Variants in UNC13C observed in about 807,000 individuals in gnomAD.
The protein encoded by UNC13C is unc-13 homolog C.
A neutral mutation model predicts 245.4 loss-of-function variants in UNC13C; 174 were observed. The ratio of observed to expected loss-of-function variants is 0.71; its 90% CI spans 0.63 to 0.80. The LOEUF is 0.80. Ranked by LOEUF, UNC13C falls within the 30% of genes least tolerant of loss-of-function variation. UNC13C has a pLI of 0.00. For synonymous variants in UNC13C, 992 were observed against 895.1 expected (o/e 1.11, Z -1.93); for missense variants, 2,829 against 2,602.9 (o/e 1.09, Z -1.89).
chr15:54,200,046 C>G (rs1399398124), intron 4 of UNC13C, among the ~76,000 whole-genome samples: 1 of 150,364 alleles, frequency 6.7e-6, no homozygotes, highest in African/African-American at 2.4e-5. Context: ...TTATATCAGA[C>G]AAAACAAACT....
intron 26 of UNC13C, among the ~76,000 whole-genome samples, chr15:54,545,092 G>C (rs1368537077): frequency 6.6e-6 from 1 of 151,996 alleles, no homozygotes; most frequent in Non-Finnish European, 1.5e-5. Flanking sequence ...ACTGGTACCA[G>C]AACAGATATA....
At chr15:53,985,823 T>C (rs1392872746) in intron 1 of UNC13C, among the ~76,000 whole-genome samples, 2 of 152,088 alleles carry the variant, frequency 1.3e-5, no homozygotes, top group Admixed American at 1.3e-4. Flanking sequence ...TCGTCTGGTT[T>C]TTGTAGTAAC....
intron 29 of UNC13C, among the ~76,000 whole-genome samples, chr15:54,565,584 TAGTG>T: frequency 6.6e-6 from 1 of 151,984 alleles, no homozygotes; most frequent in East Asian, 1.9e-4. Context: ...ATTCATCAAT[TAGTG>T]AGAGAACCAG....
At chr15:54,406,335 T>C (rs897563995) in intron 18 of UNC13C, among the ~76,000 whole-genome samples, 6 of 152,266 alleles carry the variant, frequency 3.9e-5, no homozygotes, top group East Asian at 1.9e-4. Context: ...CCTTTTGATA[T>C]AGGAGCAGCA....
rs199548311 is a variant in UNC13C at position 54,067,355 on chromosome 15, T to G, written c.2983+51469T>G. Among the ~76,000 whole-genome samples the G allele has an allele frequency of 5.9e-5, 9 of 152,274 alleles. No homozygotes were observed. The East Asian group carries it at 1.5e-3, about 26-fold the overall frequency. ...TTAGGCCAACACACTCCACACCTAATTTTGGATTTTCTAGTTTCATATTTA... is the reference window on the plus strand; with the variant it reads ...TTAGGCCAACACACTCCACACCTAAGTTTGGATTTTCTAGTTTCATATTTA... On this transcript the variant is annotated intron_variant, in intron 2 of 32. Transcript: ENST00000260323.
chr15:54,595,639 G>A (rs546614359), intron 30 of UNC13C, among the ~76,000 whole-genome samples: 1 of 152,270 alleles, frequency 6.6e-6, no homozygotes, highest in African/African-American at 2.4e-5. Flanking sequence ...TTTTGTTTAA[G>A]TTATCTAAGG....
the UNC13C span, among the ~76,000 whole-genome samples, chr15:53,942,557 A>G: frequency 6.6e-6 from 1 of 151,826 alleles, no homozygotes; most frequent in Non-Finnish European, 1.5e-5. Flanking sequence ...GGAATTTCAA[A>G]TAAAAATTGA....
In UNC13C at chr15:54,484,821, A is replaced by G. The variant is rs558297253; in HGVS notation, c.4934-9787A>G. 2.0e-5 allele frequency among the ~76,000 whole-genome samples: 3 copies of G among 152,330 alleles called. No individual in the cohort carries two copies. In the South Asian group the frequency reaches 6.2e-4, roughly 32 times the overall value. On this transcript the variant is annotated intron_variant, in intron 19 of 32. Transcript: ENST00000260323. The stretch of plus-strand genomic sequence containing the variant: ...TCCCACAAAAAAGGATCTCAATTAC[A>G]GGTTACATTTAAATAAGTAATGAGA...
At chr15:54,463,059 C>G (rs1042229763) in intron 19 of UNC13C, among the ~76,000 whole-genome samples, 3 of 151,750 alleles carry the variant, frequency 2.0e-5, no homozygotes, top group African/African-American at 7.3e-5. Context: ...ATGCACCAAT[C>G]AGTGCTCTGT....
At chr15:54,542,143 T>C (rs1381982755) in intron 26 of UNC13C, among the ~76,000 whole-genome samples, 1 of 152,158 alleles carries the variant, frequency 6.6e-6, no homozygotes, top group Non-Finnish European at 1.5e-5. Flanking sequence ...AAGTCTTAAA[T>C]ATGAATAAAA....
chr15:54,100,215 A>G (rs1434039375), intron 2 of UNC13C, among the ~76,000 whole-genome samples: 5 of 150,800 alleles, frequency 3.3e-5, no homozygotes, highest in African/African-American at 1.2e-4. Context: ...TGTTGTCTCT[A>G]CTTCTTCACT....
At chr15:54,441,543 T>C (rs1051972212) in intron 19 of UNC13C, among the ~76,000 whole-genome samples, 1 of 152,136 alleles carries the variant, frequency 6.6e-6, no homozygotes, top group Non-Finnish European at 1.5e-5. Context: ...TGTGTTCCAT[T>C]GTTCTATGTG....
chr15:54,154,529 T>C (rs895783540), intron 4 of UNC13C, among the ~76,000 whole-genome samples: 4 of 152,198 alleles, frequency 2.6e-5, no homozygotes, highest in Non-Finnish European at 5.9e-5. Flanking sequence ...ACCTAGGTTA[T>C]GATACAGTAA....
rs1310327261 is a variant in UNC13C, at chr15:54,623,887, A to C, written c.6292A>C (p.Lys2098Gln). 6.2e-7 allele frequency: 1 copy of C among 1,613,358 alleles called. No homozygotes were observed. Among genetic ancestry groups the C allele is most frequent in the Non-Finnish European group, 8.5e-7 (1 of 1,179,512 alleles). The change falls in exon 32 of 33, where the codon AAG becomes CAG. Residue 2098 changes from lysine (K) to glutamine (Q), a missense_variant. Lys to Gln is a moderately conservative substitution (Grantham distance 53). Transcript: ENST00000260323. ...ACTGGGACCCAACCTTGGAGACAAG[A>C]AGAGAAAACAAGGCACAAAAACAAA... ...CILGPNLGDK[K>Q]RKQGTKTKSN... is the part of the protein sequence containing the mutation.
intron 19 of UNC13C, among the ~76,000 whole-genome samples, chr15:54,429,503 C>T (rs147556725): frequency 1.3e-5 from 2 of 151,716 alleles, no homozygotes; most frequent in African/African-American, 4.8e-5. Context: ...TATATTTAGC[C>T]TTAACATATT....
chr15:53,897,795 A>G, the UNC13C span, among the ~76,000 whole-genome samples: 6 of 152,162 alleles, frequency 3.9e-5, no homozygotes, highest in African/African-American at 7.2e-5. Context: ...AAGTTCTTCT[A>G]TGTGCTGTAA....
At chr15:54,253,699 G>A (rs950750398) in intron 8 of UNC13C, among the ~76,000 whole-genome samples, 6 of 152,224 alleles carry the variant, frequency 3.9e-5, no homozygotes, top group Admixed American at 1.3e-4. Flanking sequence ...GGAACTTGCT[G>A]TAGCACCTCA....
Position 54,503,469 on chromosome 15 carries a change from C to T in UNC13C, c.5301+2491C>T, listed in dbSNP as rs182633414. Among the ~76,000 whole-genome samples the T allele has an allele frequency of 3.1e-3, 461 of 148,396 alleles. 3 individuals are homozygous for T. Among genetic ancestry groups the T allele is most frequent in the Middle Eastern group, 0.022 (6 of 278 alleles). ...TTTTTCTTTTTGAGACAGAGTCTCACTCTGTCACTGGAGTGCAGTGGCACA... is the reference window on the plus strand; with the variant it reads ...TTTTTCTTTTTGAGACAGAGTCTCATTCTGTCACTGGAGTGCAGTGGCACA... On this transcript the variant is annotated intron_variant, in intron 22 of 32. Transcript: ENST00000260323.
intron 1 of UNC13C, among the ~76,000 whole-genome samples, chr15:54,008,712 CAG>C (rs1212168231): frequency 6.6e-6 from 1 of 152,086 alleles, no homozygotes; most frequent in Non-Finnish European, 1.5e-5. Flanking sequence ...AAATGAACTT[CAG>C]AGAGAGGAGT....
Sources: allele counts gnomAD v4.1 joint callset (sites outside exome capture counted in the v4.1 genomes callset), GRCh38; gene constraint gnomAD v4.1.1; transcripts MANE v1.5; gene names NCBI Gene and HGNC (gene_info 2026-07-23, HGNC 2026-07-21).